The following ARHGAP15 variants were observed in gnomAD, a reference collection of about 807,000 sequenced individuals.
The protein encoded by ARHGAP15 is Rho GTPase activating protein 15.
Under a neutral mutation model 63.7 loss-of-function variants are expected in ARHGAP15, and 51 were observed. The observed-to-expected ratio is 0.80, with a 90% CI of 0.64 to 1.01. The LOEUF (loss-of-function observed/expected upper bound fraction) is 1.01, where lower values mean the gene tolerates loss of function less well. Among genes scored for constraint, ARHGAP15 ranks in the 50% least tolerant of loss-of-function variants. ARHGAP15 has a pLI of 0.00. For missense variants in ARHGAP15, 560 were observed against 564.6 expected (o/e 0.99, Z 0.08); for synonymous variants, 191 against 193.8 (o/e 0.99, Z 0.12).
intron 6 of ARHGAP15, among the ~76,000 whole-genome samples, chr2:143,423,434 C>T (rs1689013955): frequency 6.6e-6 from 1 of 152,096 alleles, no homozygotes; most frequent in African/African-American, 2.4e-5. Flanking sequence ...ATTCTATACC[C>T]CTTTATTGAG....
rs150732052 is a variant in ARHGAP15, at chr2:143,137,295, C to T, written c.-15+7829C>T. 4.4e-3 allele frequency among the ~76,000 whole-genome samples: 666 copies of T among 151,936 alleles called. 2 individuals are homozygous for T. The highest frequency in any genetic ancestry group is 0.027 in the Middle Eastern group (8 of 294). ...ACTGCTAAATACCTAGAACCTAGAACAAATGGTAGGTGTATGATAATATCA... is the reference window on the plus strand; with the variant it reads ...ACTGCTAAATACCTAGAACCTAGAATAAATGGTAGGTGTATGATAATATCA... On this transcript the variant is annotated intron_variant, in intron 1 of 13. Coordinates refer to ENST00000295095, the MANE Select transcript of ARHGAP15 (RefSeq NM_018460.4).
At chr2:143,719,744 G>A (rs998630410) in intron 13 of ARHGAP15, among the ~76,000 whole-genome samples, 1 of 152,026 alleles carries the variant, frequency 6.6e-6, no homozygotes, top group African/African-American at 2.4e-5. Context: ...TCTAACTAGT[G>A]GGAAAAAAGA....
intron 12 of ARHGAP15, 55 bp from the exon 13 acceptor site, chr2:143,703,364 T>C (rs1684176615): frequency 1.4e-6 from 2 of 1,466,504 alleles, no homozygotes; most frequent in Non-Finnish European, 1.9e-6. Context: ...CTCATGTACC[T>C]GTACCTATGA....
chr2:143,665,830 A>C (rs1682139759), intron 12 of ARHGAP15, among the ~76,000 whole-genome samples: 1 of 150,758 alleles, frequency 6.6e-6, no homozygotes, highest in Admixed American at 6.6e-5. Context: ...TGCTTCAAAG[A>C]GAATAAAATA....
At chr2:143,491,744 T>C (rs1417550369) in intron 9 of ARHGAP15, among the ~76,000 whole-genome samples, 1 of 152,216 alleles carries the variant, frequency 6.6e-6, no homozygotes, top group Non-Finnish European at 1.5e-5. Context: ...GCTGGTTTGT[T>C]TTTTTGTCAA....
At chr2:143,674,568 C>T (rs1199805978) in intron 12 of ARHGAP15, among the ~76,000 whole-genome samples, 2 of 152,108 alleles carry the variant, frequency 1.3e-5, no homozygotes, top group African/African-American at 2.4e-5. Context: ...CTACATTTAT[C>T]AAAACTTACA....
chr2:143,711,891 A>G (rs769578863), intron 13 of ARHGAP15, among the ~76,000 whole-genome samples: 2 of 152,214 alleles, frequency 1.3e-5, no homozygotes, highest in Admixed American at 6.5e-5. Context: ...GATTTTGCCA[A>G]TGCACTCTAG....
chr2:143,466,513 A>G (rs529146838), intron 8 of ARHGAP15, among the ~76,000 whole-genome samples: 1 of 152,096 alleles, frequency 6.6e-6, no homozygotes, highest in Admixed American at 6.6e-5. Context: ...AGTATTTTAC[A>G]TAATGGGCTT....
intron 6 of ARHGAP15, among the ~76,000 whole-genome samples, chr2:143,369,314 TACAG>T (rs1365711533): frequency 4.6e-5 from 7 of 152,228 alleles, no homozygotes; most frequent in South Asian, 4.1e-4. Flanking sequence ...TTCTGTGAAT[TACAG>T]ACCACATCAG....
intron 6 of ARHGAP15, among the ~76,000 whole-genome samples, chr2:143,343,856 GA>G (rs1685161704): frequency 6.6e-6 from 1 of 151,988 alleles, no homozygotes; most frequent in Admixed American, 6.6e-5. Context: ...TCTTTTCTCT[GA>G]AAATCTTTAA....
At chr2:143,438,589 G>A (rs555568580) in intron 8 of ARHGAP15, among the ~76,000 whole-genome samples, 90 of 152,288 alleles carry the variant, frequency 5.9e-4, no homozygotes, top group African/African-American at 2.1e-3. Context: ...TGGAGTTTAA[G>A]ATTATCAGTG....
chr2:143,221,627 A>G (rs1466652672), intron 4 of ARHGAP15, among the ~76,000 whole-genome samples: 1 of 152,204 alleles, frequency 6.6e-6, no homozygotes, highest in Non-Finnish European at 1.5e-5. Context: ...GCTTACATTT[A>G]CAAAATACAC....
intron 6 of ARHGAP15, among the ~76,000 whole-genome samples, chr2:143,354,028 G>C (rs931034148): frequency 0.17 from 105 of 608 alleles, no homozygotes; most frequent in Admixed American, 0.24. Flanking sequence ...CCTCTCCCTT[G>C]CATTGGTGGC....
chr2:143,360,229 A>G (rs2105333458), intron 6 of ARHGAP15, among the ~76,000 whole-genome samples: 1 of 151,896 alleles, frequency 6.6e-6, no homozygotes, highest in African/African-American at 2.4e-5. Context: ...TAAAAAAAAA[A>G]AAAAAATAGC....
chr2:143,411,072 G>A (rs1688423014), intron 6 of ARHGAP15, among the ~76,000 whole-genome samples: 1 of 151,972 alleles, frequency 6.6e-6, no homozygotes, highest in Non-Finnish European at 1.5e-5. Flanking sequence ...GGGCATGACG[G>A]CAGGCACCTG....
At chr2:143,359,910 C>A (rs1041043963) in intron 6 of ARHGAP15, among the ~76,000 whole-genome samples, 1 of 151,950 alleles carries the variant, frequency 6.6e-6, no homozygotes, top group African/African-American at 2.4e-5. Flanking sequence ...CATTCCCAAA[C>A]CTAAAATGAG....
intron 6 of ARHGAP15, among the ~76,000 whole-genome samples, chr2:143,330,020 A>AG (rs2105252308): frequency 7.2e-6 from 1 of 139,022 alleles, no homozygotes; most frequent in Non-Finnish European, 1.5e-5. Context: ...TGAGCCCAGG[A>AG]GGCAGAGGTT....
chr2:143,538,115 C>T (rs1433922542), intron 10 of ARHGAP15, among the ~76,000 whole-genome samples: 2 of 151,936 alleles, frequency 1.3e-5, no homozygotes, highest in Admixed American at 1.3e-4. Context: ...AGTTGGATTC[C>T]TAGGTATTTT....
chr2:143,496,777 A>G (rs183301604), intron 9 of ARHGAP15, among the ~76,000 whole-genome samples: 113 of 152,350 alleles, frequency 7.4e-4, no homozygotes, highest in Non-Finnish European at 3.7e-4. Flanking sequence ...ATGCCTAGTA[A>G]TAGCTATGCT....
Sources: allele counts gnomAD v4.1 joint callset (sites outside exome capture counted in the v4.1 genomes callset), GRCh38; gene constraint gnomAD v4.1.1; transcripts MANE v1.5; gene names NCBI Gene and HGNC (gene_info 2026-07-23, HGNC 2026-07-21).